ATP12A: variants seen among roughly 807,000 people sequenced by gnomAD.
ATP12A encodes ATPase H+/K+ transporting non-gastric alpha2 subunit.
A neutral mutation model predicts 111.2 loss-of-function variants in ATP12A; 81 were observed. That is an observed-to-expected ratio of 0.73 (90% CI 0.61 to 0.88). ATP12A has a LOEUF of 0.88. Among genes scored for constraint, ATP12A ranks in the 40% least tolerant of loss-of-function variants. The pLI is 0.00. For missense variants in ATP12A, 1,196 were observed against 1,313.1 expected (o/e 0.91, Z 1.38); for synonymous variants, 498 against 499.8 (o/e 1.00, Z 0.05).
intron 2 of ATP12A, among the ~76,000 whole-genome samples, chr13:24,682,107 GA>G (rs879397077): frequency 0.11 from 12,090 of 114,364 alleles, 1,161 homozygotes; most frequent in South Asian, 0.14. Flanking sequence ...ATGTGTGTGT[GA>G]TGTGTGTGTG....
Position 24,685,832 on chromosome 13 carries a change from G to A in ATP12A, c.228+459G>A, listed in dbSNP as rs77641050. Among the ~76,000 whole-genome samples the A allele has an allele frequency of 2.0e-5, 3 of 152,232 alleles. No homozygotes were observed. The highest frequency in any genetic ancestry group is 7.2e-5 in the African/African-American group (3 of 41,466). ...AAGCTGGTGGGGGACCCCAGGGCCA[G>A]TAAGCACAGAGCCTGCTTGGAGAGA... On this transcript the variant is annotated intron_variant, in intron 3 of 22. Coordinates refer to ENST00000381946, the MANE Select transcript of ATP12A (RefSeq NM_001676.7). The surrounding 1 kb of genome is among the most constrained non-coding windows in gnomAD (Gnocchi z 5.5).
chr13:24,682,930 G>A (rs1025358694), intron 2 of ATP12A, among the ~76,000 whole-genome samples: 3 of 151,514 alleles, frequency 2.0e-5, no homozygotes, highest in African/African-American at 4.9e-5. Flanking sequence ...TTATTATTAA[G>A]GAAGAGCTCT....
chr13:24,700,681 TCTC>T (rs1875352098), intron 12 of ATP12A, 63 bp from the exon 13 acceptor site: 4 of 1,485,304 alleles, frequency 2.7e-6, no homozygotes, highest in Middle Eastern at 2.1e-4. Flanking sequence ...ATGAGCATGT[TCTC>T]CTCTTATTTT....
chr13:24,701,161 C>T (rs1219110241), intron 13 of ATP12A, among the ~76,000 whole-genome samples: 1 of 152,046 alleles, frequency 6.6e-6, no homozygotes, highest in East Asian at 1.9e-4. Context: ...TCTCCTAGTG[C>T]CTTGAAGTGA....
chr13:24,681,660 C>T lies in ATP12A; in HGVS notation c.108C>T (p.Asn36=), dbSNP rs374884366. 6.2e-7 allele frequency: 1 copy of T among 1,614,078 alleles called. No individual in the cohort carries two copies. The highest frequency in any genetic ancestry group is 1.3e-5 in the African/African-American group (1 of 74,936). ...AGGAGAAGTATAGGGGTCTGAAGAACAACTGCCTGGAACTCAAAAAGAAAA... is the reference window on the plus strand; with the variant it reads ...AGGAGAAGTATAGGGGTCTGAAGAATAACTGCCTGGAACTCAAAAAGAAAA... The part of the protein sequence containing the change: ...DGKEKYRGLK[N]NCLELKKKNH... The change falls in exon 2 of 23, where the codon AAC becomes AAT. Residue 36 remains asparagine (N), a synonymous_variant. Transcript: ENST00000381946.
At chr13:24,698,621 T>C in intron 11 of ATP12A, 37 bp from the exon 12 acceptor site, 1 of 1,598,938 alleles carries the variant, frequency 6.3e-7, no homozygotes, top group African/African-American at 1.3e-5. Context: ...GCGTTTCACC[T>C]TTCTGTAAGT....
chr13:24,693,986 C>T (rs1274611784), intron 10 of ATP12A, among the ~76,000 whole-genome samples: 1 of 152,152 alleles, frequency 6.6e-6, no homozygotes, highest in Non-Finnish European at 1.5e-5. Flanking sequence ...TGCTCAAAAT[C>T]TCTCCGTACT....
Position 24,692,423 on chromosome 13 carries a change from T to A in ATP12A, c.1069-6T>A. 1 of 1,613,222 alleles carries A rather than the reference T, an allele frequency of 6.2e-7. No individual in the cohort carries two copies. Among genetic ancestry groups the A allele is most frequent in the Non-Finnish European group, 8.5e-7 (1 of 1,179,974 alleles). ...TTTCCCAAAGCGTCCTTCCCTCTCC[T>A]GCTAGGTGACCCTGTCGCTGACAGC... is the stretch of plus-strand genomic sequence containing the variant. On this transcript the variant is annotated splice_region_variant and splice_polypyrimidine_tract_variant and intron_variant, in intron 8 of 22. Transcript: ENST00000381946.
intron 12 of ATP12A, 90 bp downstream of exon 12, chr13:24,698,940 A>G (rs570834476): frequency 2.1e-6 from 3 of 1,454,706 alleles, no homozygotes; most frequent in Admixed American, 2.0e-5. Context: ...CCCAGTGGCC[A>G]TGGCATCCAC....
At position 24,700,821 on chromosome 13, in the gene ATP12A, C is replaced by G; in HGVS notation, c.1780C>G (p.Pro594Ala). 3 of 1,614,164 alleles carry G rather than the reference C, an allele frequency of 1.9e-6. No individual in the cohort carries two copies. Among genetic ancestry groups the G allele is most frequent in the Non-Finnish European group, 2.5e-6 (3 of 1,180,032 alleles). Residue 594 changes from proline to alanine, a missense_variant, in exon 13 of 23, where the codon CCG becomes GCG. Pro to Ala is a conservative substitution (Grantham distance 27, BLOSUM62 -1). This residue lies in a region of ATP12A where 1,126 missense variants were observed against 1,228.5 expected (regional missense o/e 0.92). Coordinates refer to ENST00000381946, the MANE Select transcript of ATP12A (RefSeq NM_001676.7). Reference protein sequence around the residue: ...YSFDIDAMNFPTSNLCFVGLL... With the variant: ...YSFDIDAMNFATSNLCFVGLL... The stretch of plus-strand genomic sequence containing the variant: ...ATTTGACATAGACGCTATGAACTTT[C>G]CGACCTCCAACCTCTGTTTTGTGGG...
Position 24,681,365 on chromosome 13 carries a change from G to A in ATP12A, c.10-197G>A, listed in dbSNP as rs61948069. ...TGCCCACCCCGCCTCCCCTCTACAC[G>A]GACGGAGAGGAAGCCAAGGTCGGCG... On this transcript the variant is annotated intron_variant, in intron 1 of 22. Coordinates refer to ENST00000381946, the MANE Select transcript of ATP12A (RefSeq NM_001676.7). Among the ~76,000 whole-genome samples the A allele has an allele frequency of 0.13, 20,288 of 152,078 alleles. 1,413 individuals are homozygous for A. The highest frequency in any genetic ancestry group is 0.2 in the Middle Eastern group (59 of 292).
Position 24,709,432 on chromosome 13 carries a change from G to T in ATP12A, c.2562G>T (p.Lys854Asn), listed in dbSNP as rs1184664311. The T allele has an allele frequency of 5.0e-6, 8 of 1,614,090 alleles. No homozygotes were observed. Among genetic ancestry groups the T allele is most frequent in the Non-Finnish European group, 6.8e-6 (8 of 1,180,020 alleles). The change falls in exon 18 of 23, where the codon AAG becomes AAT. Residue 854 changes from lysine (K) to asparagine (N), a missense_variant. Transcript: ENST00000381946. ...TCATGAACAGGAAGCCTCGCCACAAGAATAAGGACAGGCTGGTGAACCAGC... is the reference window on the plus strand; with the variant it reads ...TCATGAACAGGAAGCCTCGCCACAATAATAAGGACAGGCTGGTGAACCAGC... ...SDIMNRKPRH[K>N]NKDRLVNQPL... is the part of the protein sequence containing the mutation.
Position 24,690,639 on chromosome 13 carries a change from C to T in ATP12A, c.717C>T (p.Pro239=), listed in dbSNP as rs778208800. The T allele has an allele frequency of 6.2e-7, 1 of 1,613,616 alleles. No individual in the cohort carries two copies. Among genetic ancestry groups the T allele is most frequent in the Non-Finnish European group, 8.5e-7 (1 of 1,179,832 alleles). ...CATCTCTCACGGGGGAGTCTGAGCC[C>T]CAGCCCCGCTCCTCTGAGTTTACCC... is the stretch of plus-strand genomic sequence containing the variant. The part of the protein sequence containing the change: ...DNSSLTGESE[P]QPRSSEFTHE... Residue 239 remains proline (P), a synonymous_variant, in exon 7 of 23, where the codon CCC becomes CCT. Coordinates refer to ENST00000381946, the MANE Select transcript of ATP12A (RefSeq NM_001676.7).
At chr13:24,709,104 C>G (rs1002673132) in intron 17 of ATP12A, among the ~76,000 whole-genome samples, 3 of 152,184 alleles carry the variant, frequency 2.0e-5, no homozygotes, top group Non-Finnish European at 2.9e-5. Flanking sequence ...AAGAAATTCT[C>G]CCTGTAGGGG....
At chr13:24,693,547 A>G (rs1875000850) in intron 10 of ATP12A, among the ~76,000 whole-genome samples, 1 of 152,130 alleles carries the variant, frequency 6.6e-6, no homozygotes, top group Admixed American at 6.6e-5. Flanking sequence ...TATCTTCCAA[A>G]TCTTTATGTC....
At chr13:24,702,900 G>A (rs1217752974) in intron 14 of ATP12A, among the ~76,000 whole-genome samples, 2 of 152,198 alleles carry the variant, frequency 1.3e-5, no homozygotes, top group South Asian at 2.1e-4. Context: ...CAAAGACTCC[G>A]AATTCTCAGG....
intron 4 of ATP12A, among the ~76,000 whole-genome samples, chr13:24,688,868 G>T (rs1874764490): frequency 6.6e-6 from 1 of 152,128 alleles, no homozygotes; most frequent in African/African-American, 2.4e-5. Context: ...TGGCCAACGT[G>T]ATGCCAAGAG....
In ATP12A at chr13:24,709,458, C is replaced by A. The variant is rs2289909; in HGVS notation, c.2588C>A (p.Pro863Gln). ...AATAAGGACAGGCTGGTGAACCAGC[C>A]GCTCGCTGTGTACTCATACCTGCAC... is the stretch of plus-strand genomic sequence containing the variant. ...HKNKDRLVNQ[P>Q]LAVYSYLHIG... The change falls in exon 18 of 23, where the codon CCG becomes CAG. Residue 863 changes from proline to glutamine, a missense_variant. Around this residue, in one of 3 missense-constraint regions of ATP12A, gnomAD observed 1,126 missense variants for 1,228.5 expected, o/e 0.92. Coordinates refer to ENST00000381946, the MANE Select transcript of ATP12A (RefSeq NM_001676.7). The A allele has an allele frequency of 6.8e-6, 11 of 1,613,936 alleles. No individual in the cohort carries two copies. Among genetic ancestry groups the A allele is most frequent in the Non-Finnish European group, 9.3e-6 (11 of 1,180,036 alleles).
chr13:24,710,356 G>A lies in ATP12A; in HGVS notation c.2764-104G>A, dbSNP rs1035144875. 23 of 1,406,944 alleles carry A rather than the reference G, an allele frequency of 1.6e-5. 2 individuals carry two copies. The highest frequency in any genetic ancestry group is 6.9e-5 in the South Asian group (5 of 72,958). The allele number at this position is 1,406,944 out of a possible 1,614,324, so 87.2% of individuals were successfully genotyped here. On this transcript the variant is annotated intron_variant, in intron 19 of 22. Transcript: ENST00000381946. The stretch of plus-strand genomic sequence containing the variant: ...CTAGAAGGTGGTCCATTCTCAGTCC[G>A]GGTGAGGTGTGGAAAGAACATGAAG...
Sources: gnomAD v4.1 joint callset for allele counts (sites outside exome capture counted in the v4.1 genomes callset) on GRCh38, gnomAD v4.1.1 for gene constraint, gnomAD v4.1.1 regional missense constraint, Gnocchi (gnomAD v3.1) non-coding constraint, MANE v1.5 for transcripts, NCBI Gene and HGNC (gene_info 2026-07-23, HGNC 2026-07-21) for gene names.